ANK2: variants seen among roughly 807,000 people sequenced by gnomAD.
ANK2 encodes ankyrin 2, also known as ankyrin-2.
ANK2 carries 83 observed loss-of-function variants against 360.5 expected under a neutral mutation model. That is an observed-to-expected ratio of 0.23 (90% CI 0.19 to 0.28). The LOEUF (loss-of-function observed/expected upper bound fraction) is 0.28. Ranked by LOEUF, ANK2 falls within the 10% of genes least tolerant of loss-of-function variation. The pLI is 1.00. For missense variants in ANK2, 4,201 were observed against 4,795.7 expected, an observed-to-expected ratio of 0.88 and a Z score of 3.66; for synonymous variants, 1,740 against 1,759.5, an observed-to-expected ratio of 0.99 and a Z score of 0.28.
chr4:113,302,499 A>G lies in ANK2; in HGVS notation c.2476-268A>G, dbSNP rs369113839. 2.4e-4 allele frequency among the ~76,000 whole-genome samples: 37 copies of G among 152,358 alleles called. No individual in the cohort carries two copies. The South Asian group carries it at 7.7e-3, about 32-fold the overall frequency. ...ACAACTAATTATTATTAATAATACCATTGCTAAAGAATTTATTTTTCAAAT... is the reference window on the plus strand; with the variant it reads ...ACAACTAATTATTATTAATAATACCGTTGCTAAAGAATTTATTTTTCAAAT... On this transcript the variant is annotated intron_variant, in intron 22 of 45. Transcript: ENST00000357077.
intron 14 of ANK2, among the ~76,000 whole-genome samples, chr4:113,269,761 G>A (rs1176277168): frequency 6.6e-6 from 1 of 152,174 alleles, no homozygotes; most frequent in Non-Finnish European, 1.5e-5. Flanking sequence ...GTCTTTATCA[G>A]TAAAATATGA....
chr4:112,779,562 A>T, the ANK2 span, among the ~76,000 whole-genome samples: 1 of 152,098 alleles, frequency 6.6e-6, no homozygotes, highest in Admixed American at 6.6e-5. Context: ...ATTGACAAAG[A>T]AGTACATAGA....
chr4:112,822,861 A>T (rs2057508146), intron 1 of ANK2, among the ~76,000 whole-genome samples: 1 of 141,602 alleles, frequency 7.1e-6, no homozygotes, highest in Admixed American at 7.2e-5. Flanking sequence ...TGCTAGACCC[A>T]CAAGAGATTT....
the ANK2 span, chr4:112,738,701 C>T: frequency 3.3e-6 from 2 of 603,882 alleles, no homozygotes; most frequent in African/African-American, 1.8e-5. Flanking sequence ...TTGTGAAGCC[C>T]AAGATCATTA....
chr4:113,302,583 A>G (rs1359356611), intron 22 of ANK2, among the ~76,000 whole-genome samples, 184 bp from the exon 23 acceptor site: 1 of 152,224 alleles, frequency 6.6e-6, no homozygotes, highest in African/African-American at 2.4e-5. Flanking sequence ...ATGATCATTT[A>G]TCTTCAAAAA....
chr4:113,348,170 G>A, intron 35 of ANK2, 106 bp from the exon 36 acceptor site: 1 of 1,113,892 alleles, frequency 9.0e-7, no homozygotes, highest in Non-Finnish European at 1.4e-6. Context: ...CTTGCCTGTT[G>A]ATGCTTGTTG....
At chr4:112,865,819 C>T (rs1284647179) in intron 1 of ANK2, among the ~76,000 whole-genome samples, 4 of 152,166 alleles carry the variant, frequency 2.6e-5, no homozygotes, top group Non-Finnish European at 5.9e-5. Context: ...TTATAAAGAT[C>T]TATTTTTGGT....
intron 1 of ANK2, among the ~76,000 whole-genome samples, chr4:113,082,335 C>T (rs2082739275): frequency 6.6e-6 from 1 of 151,898 alleles, no homozygotes; most frequent in Admixed American, 6.6e-5. Context: ...AGTGGGGTCT[C>T]ACTATATTGC....
chr4:113,360,977 A>AC (rs1416216095), intron 39 of ANK2, 80 bp downstream of exon 39: 2 of 1,249,342 alleles, frequency 1.6e-6, no homozygotes, highest in Non-Finnish European at 2.3e-6. Flanking sequence ...CATAAAAGGT[A>AC]CCCCCCACTT....
rs375221890 is a variant in ANK2 at position 113,336,161 on chromosome 4, A to G, written c.3591+104A>G. On this transcript the variant is annotated intron_variant, in intron 30 of 45. Coordinates refer to ENST00000357077, the MANE Select transcript of ANK2 (RefSeq NM_001148.6). ...ACCTTTGTTTTATAATCACACCAAA[A>G]AGGAAGGTAGCATTAATGGTAAAGC... 194 of 1,199,380 alleles carry G rather than the reference A, an allele frequency of 1.6e-4. 1 individual carries two copies. The African/African-American group carries it at 1.9e-3, about 11-fold the overall frequency. The allele number at this position is 1,199,380 out of a possible 1,614,324, so 74.3% of individuals were successfully genotyped here. A position where few individuals can be genotyped will look rare whatever the true frequency, so the allele number is the denominator to read the frequency against.
chr4:113,213,771 T>C (rs2099051588), intron 4 of ANK2, among the ~76,000 whole-genome samples: 1 of 152,138 alleles, frequency 6.6e-6, no homozygotes, highest in Non-Finnish European at 1.5e-5. Context: ...TCAGGTTCTT[T>C]GCAGAGGAAA....
chr4:112,746,430 C>T, the ANK2 span, among the ~76,000 whole-genome samples: 1 of 149,414 alleles, frequency 6.7e-6, no homozygotes, highest in Non-Finnish European at 1.5e-5. Context: ...ATCGCTTGAA[C>T]ACGGGAGGTG....
chr4:112,721,279 C>G, the ANK2 span, among the ~76,000 whole-genome samples: 12 of 152,110 alleles, frequency 7.9e-5, no homozygotes, highest in Admixed American at 7.9e-4. Flanking sequence ...GTAGCTCACA[C>G]CTGTAATCCC....
chr4:113,295,408 A>C (rs1466887766), intron 22 of ANK2, among the ~76,000 whole-genome samples: 1 of 152,156 alleles, frequency 6.6e-6, no homozygotes, highest in Non-Finnish European at 1.5e-5. Context: ...TCAAACAAAG[A>C]TCTATATTTA....
chr4:113,082,137 C>A (rs2082642000), intron 1 of ANK2, among the ~76,000 whole-genome samples: 1 of 152,044 alleles, frequency 6.6e-6, no homozygotes, highest in South Asian at 2.1e-4. Context: ...TTAATTAGTT[C>A]TATTAATAAG....
the ANK2 span, among the ~76,000 whole-genome samples, chr4:112,752,173 C>T: frequency 6.6e-6 from 1 of 152,222 alleles, no homozygotes; most frequent in Non-Finnish European, 1.5e-5. Context: ...GAGGCTCACT[C>T]TGTGTTTCTT....
At chr4:112,860,320 G>A (rs956980376) in intron 1 of ANK2, among the ~76,000 whole-genome samples, 3 of 151,988 alleles carry the variant, frequency 2.0e-5, no homozygotes, top group Non-Finnish European at 4.4e-5. Context: ...TCCGCCTCCC[G>A]GGTTCAAGCG....
intron 22 of ANK2, among the ~76,000 whole-genome samples, chr4:113,299,705 CAAAA>C (rs869269685): frequency 2.7e-5 from 2 of 75,070 alleles, no homozygotes; most frequent in Non-Finnish European, 3.1e-5. Context: ...AACGACATCT[CAAAA>C]AAAAAAAAAA....
intron 2 of ANK2, among the ~76,000 whole-genome samples, chr4:113,032,193 C>G (rs1263901506): frequency 2.0e-5 from 3 of 152,052 alleles, no homozygotes; most frequent in African/African-American, 4.8e-5. Flanking sequence ...CAACTTAAAT[C>G]ATAAGCTTGT....
Sources: allele counts gnomAD v4.1 joint callset (sites outside exome capture counted in the v4.1 genomes callset), GRCh38; gene constraint gnomAD v4.1.1; transcripts MANE v1.5; gene names NCBI Gene and HGNC (gene_info 2026-07-23, HGNC 2026-07-21).